The following BMPR2 variants were observed in gnomAD, a reference collection of about 807,000 sequenced individuals.
BMPR2 encodes bone morphogenetic protein receptor type 2, also known as bone morphogenetic protein receptor type-2.
Under a neutral mutation model 100.8 loss-of-function variants are expected in BMPR2, and 29 were observed. The ratio of observed to expected loss-of-function variants is 0.29; its 90% CI spans 0.21 to 0.39. BMPR2 has a LOEUF of 0.39. Ranked by LOEUF, BMPR2 falls within the 10% of genes least tolerant of loss-of-function variation. The probability of loss-of-function intolerance (pLI) is 1.00; values close to 1 mark genes in which losing one functional copy is unlikely to be tolerated. For synonymous variants in BMPR2, 382 were observed against 442.3 expected (o/e 0.86, Z 1.71); for missense variants, 1,011 against 1,274.5 (o/e 0.79, Z 3.15).
intron 6 of BMPR2, among the ~76,000 whole-genome samples, chr2:202,519,325 C>T (rs774958335): frequency 6.6e-6 from 1 of 151,904 alleles, no homozygotes; most frequent in African/African-American, 2.4e-5. Flanking sequence ...ATTGTACAGC[C>T]GTACTCCAGC....
At chr2:202,537,182 C>T (rs1037191851) in intron 9 of BMPR2, among the ~76,000 whole-genome samples, 11 of 152,194 alleles carry the variant, frequency 7.2e-5, no homozygotes, top group African/African-American at 2.7e-4. Context: ...AGGCATGAGC[C>T]ACCACACCCA....
intron 3 of BMPR2, 121 bp from the exon 4 acceptor site, chr2:202,513,598 A>G (rs1209008448): frequency 1.5e-6 from 1 of 659,298 alleles, no homozygotes; most frequent in Non-Finnish European, 2.6e-6. Context: ...ATTTCCTTTG[A>G]TGCAAAAACA....
chr2:202,403,920 G>A (rs867024283), intron 1 of BMPR2, among the ~76,000 whole-genome samples: 1 of 150,232 alleles, frequency 6.7e-6, no homozygotes, highest in Non-Finnish European at 1.5e-5. Context: ...GAGGAGAATT[G>A]TTTGAACCTG....
intron 1 of BMPR2, among the ~76,000 whole-genome samples, chr2:202,441,976 T>C (rs1691756930): frequency 6.7e-6 from 1 of 149,058 alleles, no homozygotes; most frequent in African/African-American, 2.6e-5. Flanking sequence ...GAGGTTGCAG[T>C]GAGCCGAGAT....
At chr2:202,389,691 G>C (rs1337062835) in intron 1 of BMPR2, among the ~76,000 whole-genome samples, 3 of 150,652 alleles carry the variant, frequency 2.0e-5, no homozygotes, top group Non-Finnish European at 3.0e-5. Context: ...GTCCAGGCTG[G>C]AGTGCCATGG....
intron 3 of BMPR2, among the ~76,000 whole-genome samples, chr2:202,501,471 ACTT>A (rs1687389172): frequency 6.6e-6 from 1 of 152,176 alleles, no homozygotes; most frequent in South Asian, 2.1e-4. Context: ...ACAGGACAGA[ACTT>A]CTCTTTATAT....
intron 1 of BMPR2, among the ~76,000 whole-genome samples, chr2:202,407,919 C>T (rs1356236587): frequency 1.3e-5 from 2 of 151,152 alleles, no homozygotes; most frequent in African/African-American, 2.4e-5. Flanking sequence ...CTGCAAGCTC[C>T]GCCTCCCAGG....
chr2:202,526,734 A>G (rs1399336840), intron 7 of BMPR2, among the ~76,000 whole-genome samples: 2 of 152,254 alleles, frequency 1.3e-5, no homozygotes, highest in African/African-American at 4.8e-5. Flanking sequence ...GCCATCAGAT[A>G]TAAGTTTTAT....
chr2:202,433,248 AGTAGATAGGTAGGTAG>A (rs1691541859), intron 1 of BMPR2, among the ~76,000 whole-genome samples: 1 of 150,452 alleles, frequency 6.6e-6, no homozygotes, highest in South Asian at 2.1e-4. Flanking sequence ...AATAGGAGTA[AGTAGATAGGTAGGTAG>A]GTAGGTAGGT....
intron 1 of BMPR2, among the ~76,000 whole-genome samples, chr2:202,428,316 C>G (rs1025114306): frequency 6.6e-6 from 1 of 152,162 alleles, no homozygotes; most frequent in Non-Finnish European, 1.5e-5. Flanking sequence ...CCCTATTTCT[C>G]TCTCTCTACA....
At chr2:202,393,150 CATAAACTGGAA>C (rs1690584991) in intron 1 of BMPR2, among the ~76,000 whole-genome samples, 1 of 152,108 alleles carries the variant, frequency 6.6e-6, no homozygotes, top group Non-Finnish European at 1.5e-5. Context: ...AAATACATAG[CATAAACTGGAA>C]TTAAACTGGA....
At chr2:202,553,534 G>A (rs550083401) in intron 11 of BMPR2, among the ~76,000 whole-genome samples, 1 of 151,876 alleles carries the variant, frequency 6.6e-6, no homozygotes, top group East Asian at 1.9e-4. Context: ...TTCCATGTTT[G>A]GGGTAAAAAA....
intron 3 of BMPR2, among the ~76,000 whole-genome samples, chr2:202,489,040 C>T (rs1692844147): frequency 7.0e-6 from 1 of 141,924 alleles, no homozygotes; most frequent in Non-Finnish European, 1.5e-5. Flanking sequence ...TTGCTCTTGT[C>T]GCCCAGGCTG....
At position 202,484,695 on chromosome 2, in the gene BMPR2, G is replaced by A. The variant is rs555983741; in HGVS notation, c.418+17006G>A. Among the ~76,000 whole-genome samples the A allele has an allele frequency of 3.4e-4, 50 of 146,594 alleles. No homozygotes were observed. In the East Asian group the frequency reaches 0.01, roughly 29 times the overall value. The stretch of plus-strand genomic sequence containing the variant: ...CTCAAAAAAGAAAAAGGCTGGGCGC[G>A]GTGGCTCACGCCTGTAATCCCAGCA... On this transcript the variant is annotated intron_variant, in intron 3 of 12. Transcript: ENST00000374580.
chr2:202,490,504 A>T (rs1692878570), intron 3 of BMPR2, among the ~76,000 whole-genome samples: 1 of 152,202 alleles, frequency 6.6e-6, no homozygotes, highest in East Asian at 1.9e-4. Context: ...AAGAATGGAC[A>T]TCCAAAATGT....
chr2:202,422,399 C>T (rs1213047283), intron 1 of BMPR2, among the ~76,000 whole-genome samples: 7 of 152,058 alleles, frequency 4.6e-5, no homozygotes, highest in African/African-American at 4.8e-5. Context: ...CTCCGCCTCC[C>T]GGGTTCCCAC....
intron 1 of BMPR2, among the ~76,000 whole-genome samples, chr2:202,438,015 G>A (rs887943639): frequency 4.0e-5 from 6 of 150,136 alleles, no homozygotes; most frequent in Non-Finnish European, 8.8e-5. Flanking sequence ...TGGTTAAGGC[G>A]TAAGAGTTCT....
intron 1 of BMPR2, among the ~76,000 whole-genome samples, chr2:202,418,863 A>G (rs900980844): frequency 6.6e-6 from 1 of 152,210 alleles, no homozygotes; most frequent in African/African-American, 2.4e-5. Context: ...AAAGACCTGG[A>G]AAGGGAAGGG....
chr2:202,425,516 A>G (rs1473402521), intron 1 of BMPR2, among the ~76,000 whole-genome samples: 1 of 152,214 alleles, frequency 6.6e-6, no homozygotes, highest in Non-Finnish European at 1.5e-5. Context: ...AGTTCACTAT[A>G]TAGAAAAATC....
Sources: gnomAD v4.1 joint callset for allele counts (sites outside exome capture counted in the v4.1 genomes callset) on GRCh38, gnomAD v4.1.1 for gene constraint, MANE v1.5 for transcripts, NCBI Gene and HGNC (gene_info 2026-07-23, HGNC 2026-07-21) for gene names.